AK8: variants seen among roughly 807,000 people sequenced by gnomAD.
The protein encoded by AK8 is adenylate kinase 8, also known as ATP-AMP transphosphorylase 8.
Under a neutral mutation model 54.6 loss-of-function variants are expected in AK8, and 44 were observed. The observed-to-expected ratio is 0.81, with a 90% confidence interval of 0.63 to 1.04. The LOEUF is 1.04. AK8 is among the 50% of genes least tolerant of loss of function. AK8 has a pLI of 0.00. For synonymous variants in AK8, 239 were observed against 245.6 expected (o/e 0.97, Z 0.25); for missense variants, 555 against 613.6 (o/e 0.90, Z 1.01).
intron 11 of AK8, among the ~76,000 whole-genome samples, chr9:132,746,045 G>A (rs1486701850): frequency 6.6e-6 from 1 of 152,166 alleles, no homozygotes; most frequent in Non-Finnish European, 1.5e-5. Context: ...TGGAGCAACG[G>A]GGATGTCGAG....
At chr9:132,800,305 CGTTT>C (rs1406736171) in intron 10 of AK8, among the ~76,000 whole-genome samples, 3 of 152,104 alleles carry the variant, frequency 2.0e-5, no homozygotes, top group East Asian at 1.9e-4. Flanking sequence ...TTGGTGATGC[CGTTT>C]GTTTGTTATT....
intron 5 of AK8, among the ~76,000 whole-genome samples, chr9:132,839,572 C>T (rs953856189): frequency 2.6e-5 from 4 of 152,204 alleles, no homozygotes; most frequent in African/African-American, 9.6e-5. Context: ...CAGCATCCCT[C>T]CGCAGGCTCC....
intron 11 of AK8, among the ~76,000 whole-genome samples, chr9:132,735,381 A>G (rs1194889739): frequency 2.0e-5 from 3 of 152,350 alleles, no homozygotes; most frequent in Non-Finnish European, 4.4e-5. Flanking sequence ...TACGATGTAC[A>G]ATAACTGACT....
At chr9:132,842,442 T>TTGGAGAGCAGAATGCTGTGAGCATG (rs1842582636) in intron 5 of AK8, among the ~76,000 whole-genome samples, 1 of 151,888 alleles carries the variant, frequency 6.6e-6, no homozygotes, top group African/African-American at 2.4e-5. Flanking sequence ...CAGTGCAGAG[T>TTGGAGAGCAGAATGCTGTGAGCATG]TGGAGAGCAG....
chr9:132,745,769 C>A (rs549753961), intron 11 of AK8, among the ~76,000 whole-genome samples: 36 of 152,206 alleles, frequency 2.4e-4, no homozygotes, highest in African/African-American at 8.4e-4. Context: ...TGAGACAATC[C>A]CCAAGCTAAG....
chr9:132,811,936 G>T (rs1202063122), intron 10 of AK8, among the ~76,000 whole-genome samples: 1 of 152,200 alleles, frequency 6.6e-6, no homozygotes, highest in Non-Finnish European at 1.5e-5. Flanking sequence ...AAGAATTCCT[G>T]CAGACCCTTC....
intron 10 of AK8, among the ~76,000 whole-genome samples, chr9:132,797,079 C>CA (rs974766459): frequency 2.0e-5 from 3 of 152,166 alleles, no homozygotes; most frequent in Non-Finnish European, 4.4e-5. Flanking sequence ...CCCCTCTCTG[C>CA]AGGAATCAGG....
intron 11 of AK8, among the ~76,000 whole-genome samples, chr9:132,757,313 G>A (rs1321129562): frequency 1.3e-5 from 2 of 152,216 alleles, no homozygotes; most frequent in Admixed American, 6.5e-5. Flanking sequence ...GCACCAACGA[G>A]GCCGTGTCCA....
chr9:132,840,404 A>G (rs931107837), intron 5 of AK8, among the ~76,000 whole-genome samples: 15 of 89,554 alleles, frequency 1.7e-4, no homozygotes, highest in East Asian at 6.1e-4. Context: ...CCAAGTGGAC[A>G]CTCACACACA....
chr9:132,874,295 T>C (rs1451356601), intron 2 of AK8: 3 of 152,294 alleles, frequency 2.0e-5, no homozygotes, highest in Non-Finnish European at 4.4e-5. Context: ...GGAAAAGGCT[T>C]GGAACCTCCT....
intron 4 of AK8, 131 bp downstream of exon 4, chr9:132,863,534 T>C: frequency 1.5e-6 from 1 of 651,848 alleles, no homozygotes; most frequent in Admixed American, 2.7e-5. Flanking sequence ...TGTATCTCAT[T>C]TTACCCCAGC....
chr9:132,849,099 G>A (rs1341540228), intron 5 of AK8, among the ~76,000 whole-genome samples: 2 of 151,898 alleles, frequency 1.3e-5, no homozygotes, highest in Admixed American at 6.6e-5. Context: ...TAGTAGAGAC[G>A]AGGTTTCACC....
intron 11 of AK8, among the ~76,000 whole-genome samples, chr9:132,731,516 G>A (rs1590164243): frequency 6.6e-6 from 1 of 152,286 alleles, no homozygotes; most frequent in African/African-American, 2.4e-5. Flanking sequence ...TACAGAAGGC[G>A]AACTGGTCTC....
chr9:132,869,045 T>C lies in AK8; in HGVS notation c.170-2092A>G, dbSNP rs190912939. Among the ~76,000 whole-genome samples the C allele has an allele frequency of 2.5e-3, 377 of 152,260 alleles. 2 individuals are homozygous for C. Among genetic ancestry groups the C allele is most frequent in the Non-Finnish European group, 4.7e-3 (317 of 68,022 alleles). ...AATACAAAAAATTAGACAGGCGTGG[T>C]GGCACACAACTGTAATCCCAGCTAC... On this transcript the variant is annotated intron_variant, in intron 2 of 12. Transcript: ENST00000298545.
chr9:132,864,921 G>A (rs1034487717), intron 3 of AK8, among the ~76,000 whole-genome samples: 1 of 152,194 alleles, frequency 6.6e-6, no homozygotes, highest in Admixed American at 6.5e-5. Context: ...CCAGAAAAAC[G>A]AGTTCAACGA....
At chr9:132,744,574 C>G (rs1837550079) in intron 11 of AK8, among the ~76,000 whole-genome samples, 1 of 152,130 alleles carries the variant, frequency 6.6e-6, no homozygotes, top group Non-Finnish European at 1.5e-5. Flanking sequence ...CTTTAGCCCT[C>G]TAATCTAATA....
chr9:132,868,337 C>G (rs1843682464), intron 2 of AK8, among the ~76,000 whole-genome samples: 1 of 152,194 alleles, frequency 6.6e-6, no homozygotes, highest in African/African-American at 2.4e-5. Context: ...AATCATGGCA[C>G]CTTCTCATTT....
chr9:132,743,253 G>C (rs1308586078), intron 11 of AK8, among the ~76,000 whole-genome samples: 1 of 152,230 alleles, frequency 6.6e-6, no homozygotes, highest in Non-Finnish European at 1.5e-5. Context: ...ACCTGCCGTC[G>C]GGCGGCCCCA....
At chr9:132,739,807 C>A (rs1837284463) in intron 11 of AK8, among the ~76,000 whole-genome samples, 1 of 152,210 alleles carries the variant, frequency 6.6e-6, no homozygotes, top group Non-Finnish European at 1.5e-5. Flanking sequence ...CTCTGTGTAC[C>A]AACAGCAACA....
Sources: gnomAD v4.1 joint callset for allele counts (sites outside exome capture counted in the v4.1 genomes callset) on GRCh38, gnomAD v4.1.1 for gene constraint, MANE v1.5 for transcripts, NCBI Gene and HGNC (gene_info 2026-07-23, HGNC 2026-07-21) for gene names.